Variants in DNM1L observed in about 807,000 individuals in gnomAD.
The protein encoded by DNM1L is dynamin 1L.
DNM1L carries 33 observed loss-of-function variants against 92.8 expected under a neutral mutation model. The ratio of observed to expected loss-of-function variants is 0.36; its 90% CI spans 0.27 to 0.48. The LOEUF is 0.48. Among genes scored for constraint, DNM1L ranks in the 20% least tolerant of loss-of-function variants. The pLI is 0.99. For synonymous variants in DNM1L, 284 were observed against 305.0 expected (o/e 0.93, Z 0.72); for missense variants, 485 against 888.8 (o/e 0.55, Z 5.78).
rs548676928 is a variant in DNM1L, at chr12:32,713,235, T to C, written c.483T>C (p.Asp161=). The C allele has an allele frequency of 6.2e-7, 1 of 1,614,010 alleles. No homozygotes were observed. The highest frequency in any genetic ancestry group is 2.2e-5 in the East Asian group (1 of 44,820). Residue 161 remains aspartate, a synonymous_variant, in exon 6 of 20, where the codon GAT becomes GAC. Coordinates refer to ENST00000549701, the MANE Select transcript of DNM1L (RefSeq NM_012062.5). ...TKVPVGDQPK[D]IELQIRELIL... The stretch of plus-strand genomic sequence containing the variant: ...TGCCTGTAGGTGATCAACCTAAGGA[T>C]ATTGAGCTTCAAATCAGAGAGCTCA...
intron 9 of DNM1L, among the ~76,000 whole-genome samples, chr12:32,724,421 C>A (rs1156654905): frequency 6.6e-6 from 1 of 150,974 alleles, no homozygotes; most frequent in East Asian, 2.0e-4. Flanking sequence ...ACTAAAAATA[C>A]AAAAATTAGC....
intron 19 of DNM1L, 41 bp downstream of exon 19, chr12:32,742,789 T>C (rs746353549): frequency 1.2e-6 from 2 of 1,606,024 alleles, no homozygotes; most frequent in African/African-American, 2.8e-5. Flanking sequence ...GGGTAGTAGA[T>C]AGAAACATAG....
At chr12:32,694,939 G>A (rs1952379779) in intron 1 of DNM1L, among the ~76,000 whole-genome samples, 2 of 152,158 alleles carry the variant, frequency 1.3e-5, no homozygotes, top group Non-Finnish European at 2.9e-5. Context: ...GATAATGGGT[G>A]AGTGAAAGGG....
rs187141771 is a variant in DNM1L, at chr12:32,724,864, A to C, written c.1079+2231A>C. Among the ~76,000 whole-genome samples, 545 of 151,624 alleles carry C rather than the reference A, an allele frequency of 3.6e-3. 4 individuals are homozygous for C. The highest frequency in any genetic ancestry group is 0.012 in the African/African-American group (505 of 41,380). The stretch of plus-strand genomic sequence containing the variant: ...AGAAACATTTTATGAGATTTAACTG[A>C]ATATGCCTTAACACATCCATGAGGT... On this transcript the variant is annotated intron_variant, in intron 9 of 19. Transcript: ENST00000549701.
chr12:32,702,054 T>G (rs1328117178), intron 2 of DNM1L, among the ~76,000 whole-genome samples: 2 of 150,596 alleles, frequency 1.3e-5, no homozygotes, highest in Non-Finnish European at 3.0e-5. Flanking sequence ...GCCAATATGG[T>G]GAAACCCCGT....
chr12:32,684,942 T>A (rs1951945570), intron 1 of DNM1L, among the ~76,000 whole-genome samples: 1 of 104,346 alleles, frequency 9.6e-6, no homozygotes, highest in Admixed American at 9.2e-5. Flanking sequence ...TGAATGTGTA[T>A]TTTTTTTTTT....
At chr12:32,742,507 A>G (rs1955378975) in intron 18 of DNM1L, 82 bp from the exon 19 acceptor site, 4 of 1,545,382 alleles carry the variant, frequency 2.6e-6, no homozygotes, top group Non-Finnish European at 3.6e-6. Context: ...ACTTAACTTT[A>G]TTTCATGAGG....
intron 1 of DNM1L, chr12:32,680,009 C>T (rs1021578237): frequency 6.1e-6 from 6 of 985,260 alleles, no homozygotes; most frequent in Non-Finnish European, 7.2e-6. Context: ...CCAGTGTTTT[C>T]CTGCAGTATA....
chr12:32,721,181 A>G (rs184248439), intron 8 of DNM1L, among the ~76,000 whole-genome samples: 1 of 152,334 alleles, frequency 6.6e-6, no homozygotes, highest in Non-Finnish European at 1.5e-5. Flanking sequence ...GGAGATGGAA[A>G]AACAAAGAAA....
At chr12:32,691,500 C>A (rs1952233208) in intron 1 of DNM1L, among the ~76,000 whole-genome samples, 1 of 152,130 alleles carries the variant, frequency 6.6e-6, no homozygotes, top group Non-Finnish European at 1.5e-5. Flanking sequence ...GCCTTGGCCT[C>A]CTGAAGTGCT....
Position 32,722,517 on chromosome 12 carries a change from C to T in DNM1L, c.963C>T (p.Ser321=), listed in dbSNP as rs370248038. The change falls in exon 9 of 20, where the codon AGC becomes AGT. Residue 321 remains serine (S), a synonymous_variant. Coordinates refer to ENST00000549701, the MANE Select transcript of DNM1L (RefSeq NM_012062.5). ...LAAQYQSLLN[S]YGEPVDDKSA... is the part of the protein sequence containing the mutation. Reference sequence around the variant, plus strand: ...CTCAGTATCAGTCTCTTCTAAATAGCTACGGTGAACCCGTGGATGATAAAA... The same window carrying T: ...CTCAGTATCAGTCTCTTCTAAATAGTTACGGTGAACCCGTGGATGATAAAA... 1.8e-4 allele frequency: 286 copies of T among 1,613,272 alleles called. 1 individual carries two copies. The highest frequency in any genetic ancestry group is 2.4e-4 in the Non-Finnish European group (281 of 1,179,946).
In DNM1L at chr12:32,740,454, T is replaced by C. The variant is rs1214515254; in HGVS notation, c.1930T>C (p.Cys644Arg). The change falls in exon 18 of 20, where the codon TGT becomes CGT. Residue 644 changes from cysteine (C) to arginine (R), a missense_variant. By Grantham distance (180) the Cys-to-Arg change is radical. Transcript: ENST00000549701. The stretch of plus-strand genomic sequence containing the variant: ...ACTATCTGCTCGGGAACAGCGAGAT[T>C]GTGAGGTTATTGAACGACTCATTAA... ...RKLSAREQRDCEVIERLIKSY... is the reference protein window; with the variant it reads ...RKLSAREQRDREVIERLIKSY... The C allele has an allele frequency of 6.2e-7, 1 of 1,614,120 alleles. No homozygotes were observed.
chr12:32,734,797 G>A (rs1414553698), intron 13 of DNM1L, among the ~76,000 whole-genome samples: 1 of 152,070 alleles, frequency 6.6e-6, no homozygotes, highest in African/African-American at 2.4e-5. Context: ...CAACAAGGGC[G>A]AAACTCCATC....
intron 2 of DNM1L, among the ~76,000 whole-genome samples, chr12:32,702,962 A>G (rs967026562): frequency 6.1e-5 from 9 of 148,754 alleles, no homozygotes; most frequent in Non-Finnish European, 1.3e-4. Flanking sequence ...AATAACACTT[A>G]TAAAATTTCA....
intron 2 of DNM1L, among the ~76,000 whole-genome samples, chr12:32,702,582 CTGATT>C (rs1196008473): frequency 6.6e-6 from 1 of 151,936 alleles, no homozygotes; most frequent in Non-Finnish European, 1.5e-5. Flanking sequence ...ACTTCTTATT[CTGATT>C]TAAGATGGGA....
intron 5 of DNM1L, 52 bp from the exon 6 acceptor site, chr12:32,713,157 A>C (rs1313506731): frequency 6.2e-7 from 1 of 1,600,442 alleles, no homozygotes; most frequent in African/African-American, 1.3e-5. Context: ...TGGGTAAAAA[A>C]GCTGAGTTGA....
intron 1 of DNM1L, among the ~76,000 whole-genome samples, chr12:32,696,600 T>TA (rs5797485): frequency 0.021 from 3,005 of 141,102 alleles, 85 homozygotes; most frequent in African/African-American, 0.069. Flanking sequence ...ACAGTGTCTC[T>TA]AAAAAAAAAA....
At chr12:32,732,480 A>AT (rs1954616151) in intron 12 of DNM1L, 9 of 455,282 alleles carry the variant, frequency 2.0e-5, no homozygotes, top group South Asian at 1.4e-4. Context: ...AATTGCCCTC[A>AT]TGCCTCTAAT....
At chr12:32,740,608 T>C in intron 18 of DNM1L, 90 bp downstream of exon 18, 2 of 1,214,816 alleles carry the variant, frequency 1.6e-6, no homozygotes, top group Non-Finnish European at 2.3e-6. Flanking sequence ...TTTACAATTT[T>C]AGGTTTTTAT....
Sources: allele counts gnomAD v4.1 joint callset (sites outside exome capture counted in the v4.1 genomes callset), GRCh38; gene constraint gnomAD v4.1.1; transcripts MANE v1.5; gene names NCBI Gene and HGNC (gene_info 2026-07-23, HGNC 2026-07-21).